Variants in VCF1 observed in about 807,000 individuals in gnomAD.
The protein encoded by VCF1 is VCP nuclear cofactor family member 1, also known as protein VCF1.
chr17:73,224,026 G>A, the VCF1 span, among the ~76,000 whole-genome samples: 1 of 148,216 alleles, frequency 6.7e-6, no homozygotes, highest in Non-Finnish European at 1.5e-5. Context: ...GGGAAGAAGG[G>A]AGGGAGGGAG....
At chr17:73,224,352 G>C in the VCF1 span, among the ~76,000 whole-genome samples, 34 of 151,668 alleles carry the variant, frequency 2.2e-4, no homozygotes, top group African/African-American at 7.5e-4. Context: ...GGCTGATGTA[G>C]GAGTATTGCT....
the VCF1 span, among the ~76,000 whole-genome samples, chr17:73,218,029 C>T: frequency 6.6e-6 from 1 of 152,324 alleles, no homozygotes; most frequent in South Asian, 2.1e-4. Context: ...CCCAGCTTCC[C>T]CTTACCTCCA....
the VCF1 span, chr17:73,207,907 G>T: frequency 8.5e-7 from 1 of 1,183,138 alleles, no homozygotes; most frequent in South Asian, 1.7e-5. Context: ...TCAAGTATCT[G>T]GCTTTAAAAG....
the VCF1 span, among the ~76,000 whole-genome samples, chr17:73,224,227 G>A: frequency 3.1e-4 from 36 of 115,780 alleles, no homozygotes; most frequent in African/African-American, 9.0e-4. Flanking sequence ...AAGAGTTCAC[G>A]ACCAGCCTGG....
the VCF1 span, among the ~76,000 whole-genome samples, chr17:73,224,075 G>GGGGAGGGGAGGAGAA: frequency 5.4e-5 from 8 of 148,316 alleles, no homozygotes; most frequent in Admixed American, 2.7e-4. Context: ...AGAAAGTGGA[G>GGGGAGGGGAGGAGAA]GGGAGGGGAT....
At chr17:73,219,836 A>G in the VCF1 span, among the ~76,000 whole-genome samples, 7 of 151,662 alleles carry the variant, frequency 4.6e-5, no homozygotes, top group East Asian at 9.8e-4. Flanking sequence ...TAAGCTGGGC[A>G]TGGCAGTGCG....
the VCF1 span, chr17:73,208,215 G>C: frequency 6.3e-7 from 1 of 1,599,754 alleles, no homozygotes; most frequent in South Asian, 1.1e-5. Context: ...AGCTCCGCTT[G>C]TGTGTGCCGT....
the VCF1 span, among the ~76,000 whole-genome samples, chr17:73,228,263 C>T: frequency 7.2e-5 from 11 of 152,244 alleles, no homozygotes; most frequent in African/African-American, 2.4e-4. Flanking sequence ...CTTGAAGTTT[C>T]AGCTTTCTAT....
chr17:73,208,444 C>CTAAG, the VCF1 span: 1 of 1,614,122 alleles, frequency 6.2e-7, no homozygotes. Flanking sequence ...TCTAGTATGA[C>CTAAG]TAAGTAACAT....
chr17:73,207,410 G>A, the VCF1 span: 1 of 789,306 alleles, frequency 1.3e-6, no homozygotes, highest in Non-Finnish European at 2.2e-6. Context: ...GAAGTACAAG[G>A]TTTTACTAGC....
chr17:73,220,750 A>C, the VCF1 span, among the ~76,000 whole-genome samples: 1 of 150,528 alleles, frequency 6.6e-6, no homozygotes, highest in Non-Finnish European at 1.5e-5. Context: ...CTTCTGTTTT[A>C]TCTCCACATT....
the VCF1 span, among the ~76,000 whole-genome samples, chr17:73,210,450 C>T: frequency 6.7e-6 from 1 of 149,982 alleles, no homozygotes; most frequent in Non-Finnish European, 1.5e-5. Flanking sequence ...AGAGGCTACT[C>T]GGAGATCCCT....
chr17:73,229,518 T>G, the VCF1 span: 1 of 985,394 alleles, frequency 1.0e-6, no homozygotes, highest in Non-Finnish European at 1.2e-6. Context: ...GTTGCATTAT[T>G]TCATTTCTCT....
the VCF1 span, among the ~76,000 whole-genome samples, chr17:73,213,537 A>G: frequency 6.6e-6 from 1 of 152,236 alleles, no homozygotes; most frequent in Non-Finnish European, 1.5e-5. Flanking sequence ...ATATACACCA[A>G]AAACAATCTG....
chr17:73,209,782 G>A, the VCF1 span: 3 of 1,538,948 alleles, frequency 1.9e-6, no homozygotes, highest in Non-Finnish European at 2.6e-6. Flanking sequence ...GAAGGAAGAA[G>A]AAAGAAACAG....
chr17:73,231,989 G>A, the VCF1 span: 4 of 1,323,976 alleles, frequency 3.0e-6, no homozygotes, highest in Non-Finnish European at 4.1e-6. Context: ...AGCCCCGCCG[G>A]GTCCACTCTT....
chr17:73,209,908 T>C, the VCF1 span: 23 of 1,334,926 alleles, frequency 1.7e-5, no homozygotes, highest in South Asian at 3.0e-5. Flanking sequence ...GGCTTTGGAA[T>C]TGATAAAGTA....
At chr17:73,207,721 C>A in the VCF1 span, 77 of 1,291,796 alleles carry the variant, frequency 6.0e-5, no homozygotes, top group Non-Finnish European at 7.4e-5. Flanking sequence ...AACTGTTAAG[C>A]CTGCAGGAAT....
the VCF1 span, among the ~76,000 whole-genome samples, chr17:73,225,320 G>C: frequency 6.6e-6 from 1 of 151,866 alleles, no homozygotes; most frequent in Non-Finnish European, 1.5e-5. Flanking sequence ...ACGGATTTTA[G>C]AAAGAGAGTA....
Sources: allele counts gnomAD v4.1 joint callset (sites outside exome capture counted in the v4.1 genomes callset), GRCh38; gene constraint gnomAD v4.1.1; transcripts MANE v1.5; gene names NCBI Gene and HGNC (gene_info 2026-07-23, HGNC 2026-07-21).